Variants in CAMK1D observed in about 807,000 individuals in gnomAD.
CAMK1D encodes calcium/calmodulin dependent protein kinase ID, also known as calcium/calmodulin-dependent protein kinase type 1D.
A neutral mutation model predicts 47.7 loss-of-function variants in CAMK1D; 9 were observed. That is an observed-to-expected ratio of 0.19 (90% CI 0.11 to 0.33). The LOEUF (loss-of-function observed/expected upper bound fraction) is 0.33, where lower values mean the gene tolerates loss of function less well. CAMK1D is among the 10% of genes least tolerant of loss of function. The pLI is 1.00. For synonymous variants in CAMK1D, 184 were observed against 184.9 expected, an observed-to-expected ratio of 0.99 and a Z score of 0.04; for missense variants, 291 against 488.7, an observed-to-expected ratio of 0.60 and a Z score of 3.81.
intron 4 of CAMK1D, among the ~76,000 whole-genome samples, chr10:12,761,373 A>G (rs1289521415): frequency 6.6e-6 from 1 of 152,160 alleles, no homozygotes; most frequent in Admixed American, 6.5e-5. Context: ...CTTCGAGCCT[A>G]TCTAAGAGAC....
At chr10:12,521,769 T>C (rs1835423076) in intron 1 of CAMK1D, among the ~76,000 whole-genome samples, 1 of 152,246 alleles carries the variant, frequency 6.6e-6, no homozygotes, top group Non-Finnish European at 1.5e-5. Flanking sequence ...GCCCTGTTTT[T>C]AGATAGGTAC....
At chr10:12,461,511 A>G (rs138550777) in intron 1 of CAMK1D, among the ~76,000 whole-genome samples, 2,551 of 152,110 alleles carry the variant, frequency 0.017, 58 homozygotes, top group African/African-American at 0.058. Flanking sequence ...CAACATGGTG[A>G]AACCCCGTCC....
chr10:12,657,302 G>A (rs370010830), intron 2 of CAMK1D, among the ~76,000 whole-genome samples: 2 of 152,100 alleles, frequency 1.3e-5, no homozygotes, highest in African/African-American at 4.8e-5. Context: ...GCGCATGCCT[G>A]TAGTTCCAGC....
At chr10:12,398,412 G>A (rs916023052) in intron 1 of CAMK1D, among the ~76,000 whole-genome samples, 5 of 152,066 alleles carry the variant, frequency 3.3e-5, no homozygotes, top group Non-Finnish European at 5.9e-5. Context: ...GCAGTGGTGC[G>A]GTCTCAGCTC....
At chr10:12,456,967 C>T (rs1327099829) in intron 1 of CAMK1D, among the ~76,000 whole-genome samples, 3 of 152,112 alleles carry the variant, frequency 2.0e-5, no homozygotes, top group African/African-American at 7.2e-5. Context: ...TCACAATTAT[C>T]ATTGAAGCTT....
At position 12,791,195 on chromosome 10, in the gene CAMK1D, C is replaced by T. The variant is rs751103500; in HGVS notation, c.603C>T (p.Ala201=). The change falls in exon 6 of 11, where the codon GCC becomes GCT. Residue 201 remains alanine (A), a synonymous_variant. Coordinates refer to ENST00000619168, the MANE Select transcript of CAMK1D (RefSeq NM_153498.4). ...TCGCCCAGAAACCTTACAGCAAAGC[C>T]GTTGACTGCTGGTCCATCGGAGTGA... The part of the protein sequence containing the change: ...EVLAQKPYSK[A]VDCWSIGVIA... The T allele has an allele frequency of 1.7e-5, 28 of 1,614,038 alleles. No homozygotes were observed. Among genetic ancestry groups the T allele is most frequent in the Admixed American group, 5.0e-5 (3 of 60,000 alleles).
At position 12,666,720 on chromosome 10, in the gene CAMK1D, C is replaced by T. The variant is rs1564477648; in HGVS notation, c.225-16C>T. 1.3e-6 allele frequency: 2 copies of T among 1,590,818 alleles called. No individual in the cohort carries two copies. The highest frequency in any genetic ancestry group is 4.5e-5 in the East Asian group (2 of 44,504). The stretch of plus-strand genomic sequence containing the variant: ...TAATCATACTCACTATTTTGTGCGT[C>T]TATTTTTTTTTTCAGGATTAAGCAT... On this transcript the variant is annotated splice_polypyrimidine_tract_variant and intron_variant, in intron 2 of 10. Coordinates refer to ENST00000619168, the MANE Select transcript of CAMK1D (RefSeq NM_153498.4).
chr10:12,418,009 C>T (rs921708809), intron 1 of CAMK1D, among the ~76,000 whole-genome samples: 1 of 152,140 alleles, frequency 6.6e-6, no homozygotes, highest in South Asian at 2.1e-4. Context: ...ACTATGTTGG[C>T]CAGGCTGGTC....
intron 2 of CAMK1D, among the ~76,000 whole-genome samples, chr10:12,624,439 A>G (rs924833489): frequency 6.6e-6 from 1 of 151,532 alleles, no homozygotes. Flanking sequence ...CCACCTCTCC[A>G]CTCTCGGATT....
chr10:12,358,962 G>C (rs1174175889), intron 1 of CAMK1D, among the ~76,000 whole-genome samples: 1 of 152,100 alleles, frequency 6.6e-6, no homozygotes, highest in East Asian at 1.9e-4. Flanking sequence ...AGGCAGGATG[G>C]TGCATATTTA....
chr10:12,444,688 A>C (rs948341610), intron 1 of CAMK1D, among the ~76,000 whole-genome samples: 4 of 152,268 alleles, frequency 2.6e-5, no homozygotes. Context: ...ATTTTGGAAT[A>C]GATTTTGAAT....
intron 1 of CAMK1D, among the ~76,000 whole-genome samples, chr10:12,522,002 C>T (rs1226817778): frequency 6.8e-6 from 1 of 146,376 alleles, no homozygotes; most frequent in African/African-American, 2.5e-5. Flanking sequence ...TTTGAACTAG[C>T]TTTTGGAAAT....
At chr10:12,758,824 T>C (rs1238207205) in intron 3 of CAMK1D, among the ~76,000 whole-genome samples, 1 of 152,032 alleles carries the variant, frequency 6.6e-6, no homozygotes, top group East Asian at 1.9e-4. Context: ...CCAGAGGTCA[T>C]CCAGCAGTTG....
intron 4 of CAMK1D, among the ~76,000 whole-genome samples, chr10:12,764,936 A>G (rs1836681622): frequency 6.6e-6 from 1 of 152,114 alleles, no homozygotes; most frequent in Admixed American, 6.6e-5. Context: ...TCTCTACTAA[A>G]AATACAAAAG....
chr10:12,507,631 G>A (rs962569873), intron 1 of CAMK1D, among the ~76,000 whole-genome samples: 2 of 152,258 alleles, frequency 1.3e-5, no homozygotes, highest in Non-Finnish European at 1.5e-5. Flanking sequence ...AAGGATGCTT[G>A]TTCACATTGC....
chr10:12,539,101 A>G (rs1836080796), intron 1 of CAMK1D, among the ~76,000 whole-genome samples: 1 of 152,158 alleles, frequency 6.6e-6, no homozygotes, highest in Admixed American at 6.6e-5. Context: ...TTACTTAACC[A>G]GTCCTCCATT....
rs115582377 is a variant in CAMK1D at position 12,623,704 on chromosome 10, A to C, written c.225-43032A>C. On this transcript the variant is annotated intron_variant, in intron 2 of 10. Coordinates refer to ENST00000619168, the MANE Select transcript of CAMK1D (RefSeq NM_153498.4). The stretch of plus-strand genomic sequence containing the variant: ...GCTGAGTGACACACATTTTACATAC[A>C]TGCTCCCTTTTTTTCCCCCCCAAAA... 1.8e-3 allele frequency among the ~76,000 whole-genome samples: 267 copies of C among 151,062 alleles called. 1 individual carries two copies. The highest frequency in any genetic ancestry group is 5.5e-3 in the African/African-American group (222 of 40,554).
intron 2 of CAMK1D, among the ~76,000 whole-genome samples, chr10:12,617,490 A>G (rs143227881): frequency 4.9e-4 from 74 of 152,298 alleles, no homozygotes; most frequent in African/African-American, 1.7e-3. Context: ...TGTGGTAGGC[A>G]GATATGCAGG....
intron 1 of CAMK1D, among the ~76,000 whole-genome samples, chr10:12,549,324 G>T (rs750739963): frequency 1.3e-5 from 2 of 152,208 alleles, no homozygotes; most frequent in Non-Finnish European, 2.9e-5. Flanking sequence ...TTGGCTTTTT[G>T]TATCTGATTT....
Sources: gnomAD v4.1 joint callset for allele counts (sites outside exome capture counted in the v4.1 genomes callset) on GRCh38, gnomAD v4.1.1 for gene constraint, MANE v1.5 for transcripts, NCBI Gene and HGNC (gene_info 2026-07-23, HGNC 2026-07-21) for gene names.